DGKB: variants seen among roughly 807,000 people sequenced by gnomAD.
DGKB encodes diacylglycerol kinase beta.
Under a neutral mutation model 114.3 loss-of-function variants are expected in DGKB, and 67 were observed. The observed-to-expected ratio is 0.59, with a 90% CI of 0.48 to 0.72. The LOEUF (loss-of-function observed/expected upper bound fraction) is 0.72. Among genes scored for constraint, DGKB ranks in the 30% least tolerant of loss-of-function variants. DGKB has a pLI of 0.00. For synonymous variants in DGKB, 398 were observed against 323.1 expected, an observed-to-expected ratio of 1.23 and a Z score of -2.49; for missense variants, 907 against 975.2, an observed-to-expected ratio of 0.93 and a Z score of 0.93.
At chr7:14,709,957 A>T (rs191507412) in intron 6 of DGKB, among the ~76,000 whole-genome samples, 1 of 151,532 alleles carries the variant, frequency 6.6e-6, no homozygotes, top group Non-Finnish European at 1.5e-5. Flanking sequence ...CCTAAAACTT[A>T]AAGTATAATT....
intron 23 of DGKB, among the ~76,000 whole-genome samples, chr7:14,190,578 C>T (rs117950978): frequency 0.016 from 2,423 of 151,370 alleles, 37 homozygotes; most frequent in South Asian, 0.057. Flanking sequence ...ATGCTAAGAA[C>T]AAAAATTCAA....
intron 2 of DGKB, among the ~76,000 whole-genome samples, chr7:14,838,058 A>G (rs1847397111): frequency 6.6e-6 from 1 of 152,130 alleles, no homozygotes; most frequent in South Asian, 2.1e-4. Context: ...AATTTACTGA[A>G]CAACCATTGA....
intron 23 of DGKB, among the ~76,000 whole-genome samples, chr7:14,273,122 A>C (rs951965540): frequency 6.6e-6 from 1 of 152,246 alleles, no homozygotes; most frequent in South Asian, 2.1e-4. Context: ...AGGCAGGTGG[A>C]TGGCTTGAGT....
At chr7:14,781,879 GGTATT>G (rs1234552760) in intron 2 of DGKB, among the ~76,000 whole-genome samples, 1 of 151,914 alleles carries the variant, frequency 6.6e-6, no homozygotes, top group Non-Finnish European at 1.5e-5. Context: ...ATCAGAAAAT[GGTATT>G]TTCTTTCCTC....
At chr7:14,344,363 C>A (rs1812128848) in intron 22 of DGKB, among the ~76,000 whole-genome samples, 1 of 151,500 alleles carries the variant, frequency 6.6e-6, no homozygotes, top group African/African-American at 2.4e-5. Context: ...TTAATAACAG[C>A]AAATTAGAAA....
chr7:14,696,584 A>T (rs371958445), intron 8 of DGKB, among the ~76,000 whole-genome samples: 1 of 151,144 alleles, frequency 6.6e-6, no homozygotes, highest in African/African-American at 2.4e-5. Flanking sequence ...TCTAATAACA[A>T]GCTGGCTTGA....
At chr7:14,338,736 A>T in intron 22 of DGKB, 26 bp from the exon 23 acceptor site, 1 of 1,333,784 alleles carries the variant, frequency 7.5e-7, no homozygotes, top group Non-Finnish European at 9.9e-7. Context: ...AAAGAAACAG[A>T]AACGGAATAT....
chr7:14,536,462 C>A (rs1792515607), intron 20 of DGKB, among the ~76,000 whole-genome samples: 1 of 152,078 alleles, frequency 6.6e-6, no homozygotes, highest in Non-Finnish European at 1.5e-5. Flanking sequence ...CAATTTTGTA[C>A]CATGACCAAG....
chr7:14,731,001 A>G (rs1426114580), intron 5 of DGKB, among the ~76,000 whole-genome samples: 3 of 152,202 alleles, frequency 2.0e-5, no homozygotes, highest in Non-Finnish European at 4.4e-5. Flanking sequence ...CTGCTAATTG[A>G]TAGTTTATGA....
At chr7:14,440,063 A>G (rs1014424846) in intron 21 of DGKB, among the ~76,000 whole-genome samples, 1 of 152,028 alleles carries the variant, frequency 6.6e-6, no homozygotes, top group Non-Finnish European at 1.5e-5. Flanking sequence ...AGAAGAAGAT[A>G]GCTCCCTGCT....
intron 20 of DGKB, among the ~76,000 whole-genome samples, chr7:14,566,522 A>T (rs1423548481): frequency 6.6e-6 from 1 of 152,184 alleles, no homozygotes; most frequent in African/African-American, 2.4e-5. Context: ...TTCAATTAAT[A>T]TCCAACTATC....
rs1291551803 is a variant in DGKB, at chr7:14,375,734, C to A, written c.1836-30343G>T. 2.0e-5 allele frequency among the ~76,000 whole-genome samples: 3 copies of A among 152,178 alleles called. No individual in the cohort carries two copies. In the East Asian group the frequency reaches 5.8e-4, roughly 29 times the overall value. On this transcript the variant is annotated intron_variant, in intron 21 of 25. Transcript: ENST00000402815. ...TTGCTTTCTTCGATAGCACTTCCTGCCATCTGAAATGCTGCTGTTTTACTT... is the reference window on the plus strand; with the variant it reads ...TTGCTTTCTTCGATAGCACTTCCTGACATCTGAAATGCTGCTGTTTTACTT...
intron 8 of DGKB, among the ~76,000 whole-genome samples, chr7:14,697,358 A>C (rs529222695): frequency 2.9e-4 from 44 of 152,306 alleles, no homozygotes; most frequent in African/African-American, 1.1e-3. Flanking sequence ...AGCAATATAT[A>C]ACATATACAC....
chr7:14,445,635 A>G (rs1369590372), intron 21 of DGKB, among the ~76,000 whole-genome samples: 1 of 152,038 alleles, frequency 6.6e-6, no homozygotes, highest in East Asian at 1.9e-4. Flanking sequence ...TTTAATCAAC[A>G]GTGATTATAA....
At chr7:14,651,554 C>G (rs1390707291) in intron 13 of DGKB, among the ~76,000 whole-genome samples, 2 of 145,744 alleles carry the variant, frequency 1.4e-5, no homozygotes, top group African/African-American at 2.5e-5. Flanking sequence ...ACTGAATGGG[C>G]AAAAACTGGA....
intron 2 of DGKB, among the ~76,000 whole-genome samples, chr7:14,779,210 T>C (rs1838701920): frequency 6.6e-6 from 1 of 152,152 alleles, no homozygotes; most frequent in South Asian, 2.1e-4. Flanking sequence ...AGACACATAG[T>C]TGCCCTGTTT....
intron 2 of DGKB, among the ~76,000 whole-genome samples, chr7:14,784,691 G>T (rs1032900919): frequency 1.3e-5 from 2 of 152,078 alleles, no homozygotes; most frequent in Non-Finnish European, 2.9e-5. Context: ...TGCTATTTTT[G>T]ATTAGGATTT....
chr7:14,268,602 T>A (rs1797854952), intron 23 of DGKB, among the ~76,000 whole-genome samples: 1 of 152,156 alleles, frequency 6.6e-6, no homozygotes, highest in African/African-American at 2.4e-5. Context: ...AAGAAATGAA[T>A]AAAAGAAATA....
At chr7:14,267,165 G>GA (rs1265809388) in intron 23 of DGKB, among the ~76,000 whole-genome samples, 1 of 151,966 alleles carries the variant, frequency 6.6e-6, no homozygotes, top group Non-Finnish European at 1.5e-5. Flanking sequence ...TTGACCAAAA[G>GA]AAAAAAACAG....
Sources: allele counts gnomAD v4.1 joint callset (sites outside exome capture counted in the v4.1 genomes callset), GRCh38; gene constraint gnomAD v4.1.1; transcripts MANE v1.5; gene names NCBI Gene and HGNC (gene_info 2026-07-23, HGNC 2026-07-21).